The following PTPRT variants were observed in gnomAD, a reference collection of about 807,000 sequenced individuals.
PTPRT encodes the protein protein tyrosine phosphatase receptor type T, also known as receptor-type tyrosine-protein phosphatase T.
Under a neutral mutation model 176.8 loss-of-function variants are expected in PTPRT, and 56 were observed. That is an observed-to-expected ratio of 0.32 (90% CI 0.26 to 0.40). PTPRT has a LOEUF of 0.40. Ranked by LOEUF, PTPRT falls within the 10% of genes least tolerant of loss-of-function variation. The pLI is 1.00. For missense variants in PTPRT, 1,540 were observed against 1,908.2 expected, an observed-to-expected ratio of 0.81 and a Z score of 3.60; for synonymous variants, 783 against 739.0, an observed-to-expected ratio of 1.06 and a Z score of -0.96.
intron 7 of PTPRT, 45 bp from the exon 8 acceptor site, chr20:42,472,607 C>T (rs1268301076): frequency 1.1e-5 from 17 of 1,580,036 alleles, no homozygotes; most frequent in Middle Eastern, 2.1e-4. Context: ...AAGAGACCAT[C>T]GGGAAGCTGG....
rs189291947 is a variant in PTPRT at position 43,106,606 on chromosome 20, G to A, written c.88+83040C>T. ...TGGGAGGCACAGGTTGCAGTGAGCC[G>A]GGATCGCGCCATTGCACTCCAGCCC... is the stretch of plus-strand genomic sequence containing the variant. On this transcript the variant is annotated intron_variant, in intron 1 of 30. Transcript: ENST00000373187. Among the ~76,000 whole-genome samples the A allele has an allele frequency of 5.6e-3, 847 of 149,964 alleles. 11 individuals carry two copies. Among genetic ancestry groups the A allele is most frequent in the African/African-American group, 0.02 (810 of 40,642 alleles).
chr20:42,964,359 A>G (rs2146046358), intron 1 of PTPRT, among the ~76,000 whole-genome samples: 1 of 152,302 alleles, frequency 6.6e-6, no homozygotes, highest in Admixed American at 6.5e-5. Context: ...ATGTACCAAT[A>G]TCCATATCAA....
In PTPRT at chr20:42,246,575, T is replaced by C. The variant is rs117405173; in HGVS notation, c.2312+2112A>G. Among the ~76,000 whole-genome samples the C allele has an allele frequency of 4.3e-3, 650 of 152,262 alleles. 3 individuals carry two copies. The highest frequency in any genetic ancestry group is 0.02 in the Middle Eastern group (6 of 294). On this transcript the variant is annotated intron_variant, in intron 14 of 30. Transcript: ENST00000373187. ...AAAGGACTTATTTTATAGTTGCTCC[T>C]ACCCTGGAAACATAAAGCCTTTTCC...
intron 1 of PTPRT, among the ~76,000 whole-genome samples, chr20:43,136,827 T>C (rs976586887): frequency 6.6e-6 from 1 of 152,218 alleles, no homozygotes; most frequent in African/African-American, 2.4e-5. Context: ...TGTCTATAAC[T>C]GCTTCTGAAT....
chr20:42,968,443 GT>G (rs1982426784), intron 1 of PTPRT, among the ~76,000 whole-genome samples: 1 of 152,296 alleles, frequency 6.6e-6, no homozygotes, highest in South Asian at 2.1e-4. Context: ...CAGATGTACG[GT>G]TGAACACACA....
chr20:42,958,412 A>AGGG (rs1981792144), intron 1 of PTPRT, among the ~76,000 whole-genome samples: 1 of 74,332 alleles, frequency 1.3e-5, no homozygotes, highest in South Asian at 5.9e-4. Flanking sequence ...GGGAAAGGGA[A>AGGG]GAAGGGAGGA....
chr20:42,820,091 C>T (rs894243112), intron 2 of PTPRT, among the ~76,000 whole-genome samples: 11 of 152,266 alleles, frequency 7.2e-5, no homozygotes, highest in Admixed American at 6.5e-4. Context: ...ATAGAATTCT[C>T]TACACCAAAA....
At chr20:42,790,773 T>C (rs984390898) in intron 3 of PTPRT, among the ~76,000 whole-genome samples, 7 of 152,162 alleles carry the variant, frequency 4.6e-5, no homozygotes, top group African/African-American at 1.4e-4. Flanking sequence ...ACCATCCTAA[T>C]TGCCTTCCCC....
chr20:42,773,206 G>A (rs1445198309), intron 4 of PTPRT, among the ~76,000 whole-genome samples: 1 of 152,082 alleles, frequency 6.6e-6, no homozygotes, highest in African/African-American at 2.4e-5. Context: ...ATTTTTCCTT[G>A]ATTTGAACTA....
chr20:43,042,719 G>A (rs1361796752), intron 1 of PTPRT, among the ~76,000 whole-genome samples: 7 of 20,588 alleles, frequency 3.4e-4, no homozygotes, highest in Non-Finnish European at 5.5e-4. Context: ...CCTCCCACCC[G>A]CCATCTCTCC....
chr20:42,311,806 G>A (rs1209868345), intron 12 of PTPRT, among the ~76,000 whole-genome samples: 1 of 151,810 alleles, frequency 6.6e-6, no homozygotes, highest in African/African-American at 2.4e-5. Flanking sequence ...TTCGTTGACT[G>A]TTGTTTCTCA....
Position 42,887,153 on chromosome 20 carries a change from G to C in PTPRT, c.89-1221C>G, listed in dbSNP as rs868726974. On this transcript the variant is annotated intron_variant, in intron 1 of 30. Transcript: ENST00000373187. ...CCAATGTCTGCTATAGATTAAATGT[G>C]TGAATGCCTGCAAAATTCATGCTGA... Among the ~76,000 whole-genome samples, 70 of 152,292 alleles carry C rather than the reference G, an allele frequency of 4.6e-4. 1 individual carries two copies. Among genetic ancestry groups the C allele is most frequent in the African/African-American group, 1.5e-3 (61 of 41,570 alleles).
At chr20:42,556,454 T>C (rs557022508) in intron 7 of PTPRT, among the ~76,000 whole-genome samples, 1 of 152,284 alleles carries the variant, frequency 6.6e-6, no homozygotes, top group South Asian at 2.1e-4. Context: ...AAGTGGATAT[T>C]GGCGGTGGAA....
rs577634373 is a variant in PTPRT at position 42,615,180 on chromosome 20, T to C, written c.1153+62686A>G. ...CAATTCCCACCTATGAGTGAGAATA[T>C]GCGGTGTTTGGTTTTTTGTTCTTGC... On this transcript the variant is annotated intron_variant, in intron 7 of 30. Transcript: ENST00000373187. 3.1e-5 allele frequency among the ~76,000 whole-genome samples: 4 copies of C among 129,020 alleles called. No individual in the cohort carries two copies. In the East Asian group the frequency reaches 6.4e-4, roughly 21 times the overall value. The allele number at this position is 129,020 out of a possible 152,430, so 84.6% of individuals were successfully genotyped here.
At chr20:42,594,128 C>T (rs900351979) in intron 7 of PTPRT, among the ~76,000 whole-genome samples, 2 of 152,048 alleles carry the variant, frequency 1.3e-5, no homozygotes, top group African/African-American at 2.4e-5. Flanking sequence ...CGGAGACCAA[C>T]GTGAAGGGAA....
intron 1 of PTPRT, among the ~76,000 whole-genome samples, chr20:43,157,258 G>T (rs1218962937): frequency 6.6e-6 from 1 of 152,082 alleles, no homozygotes; most frequent in Non-Finnish European, 1.5e-5. Context: ...TACTTGGGGA[G>T]GGGGTGGAGG....
In PTPRT at chr20:42,738,438, G is replaced by A. The variant is rs370552757; in HGVS notation, c.859+18024C>T. ...GAGGTAGAATTGCTTGAACCTGGGA[G>A]GTGGAGGTTGCAGTGAGCCAAGATT... On this transcript the variant is annotated intron_variant, in intron 6 of 30. Transcript: ENST00000373187. 7.8e-4 allele frequency among the ~76,000 whole-genome samples: 118 copies of A among 152,198 alleles called. No homozygotes were observed. In the South Asian group the frequency reaches 0.024, roughly 31 times the overall value.
At chr20:43,181,136 A>G (rs980584651) in intron 1 of PTPRT, among the ~76,000 whole-genome samples, 6 of 152,138 alleles carry the variant, frequency 3.9e-5, no homozygotes, top group African/African-American at 1.4e-4. Flanking sequence ...GGAGGTCCTC[A>G]AGCCAAGAGC....
the PTPRT span, chr20:42,063,921 C>T: frequency 6.6e-6 from 1 of 152,026 alleles, no homozygotes; most frequent in Non-Finnish European, 1.5e-5. Flanking sequence ...AATATGAACA[C>T]TTCAGTTCTT....
Sources: allele counts gnomAD v4.1 joint callset (sites outside exome capture counted in the v4.1 genomes callset), GRCh38; gene constraint gnomAD v4.1.1; transcripts MANE v1.5; gene names NCBI Gene and HGNC (gene_info 2026-07-23, HGNC 2026-07-21).